Variants in RANBP17 observed in about 807,000 individuals in gnomAD.
RANBP17 encodes the protein RAN binding protein 17, also known as ran-binding protein 17.
Under a neutral mutation model 141.2 loss-of-function variants are expected in RANBP17, and 158 were observed. The ratio of observed to expected loss-of-function variants is 1.12; its 90% CI spans 0.98 to 1.28. RANBP17 has a LOEUF of 1.28. Among genes scored for constraint, RANBP17 ranks in the 50% most tolerant of loss-of-function variants. RANBP17 has a pLI of 0.00. For synonymous variants in RANBP17, 430 were observed against 450.0 expected, an observed-to-expected ratio of 0.96 and a Z score of 0.56; for missense variants, 1,438 against 1,290.7, an observed-to-expected ratio of 1.11 and a Z score of -1.75.
At chr5:170,996,266 G>A (rs1317713298) in intron 14 of RANBP17, among the ~76,000 whole-genome samples, 6 of 152,028 alleles carry the variant, frequency 3.9e-5, no homozygotes, top group African/African-American at 1.4e-4. Flanking sequence ...TAAAAAGCAA[G>A]GCAATGAATG....
At chr5:171,069,646 G>T (rs900606134) in intron 14 of RANBP17, among the ~76,000 whole-genome samples, 1 of 152,188 alleles carries the variant, frequency 6.6e-6, no homozygotes, top group Non-Finnish European at 1.5e-5. Flanking sequence ...TCAACACTGT[G>T]TTATAAAATA....
chr5:171,106,985 G>C (rs891470025), intron 14 of RANBP17, among the ~76,000 whole-genome samples: 8 of 152,082 alleles, frequency 5.3e-5, no homozygotes, highest in Non-Finnish European at 1.2e-4. Flanking sequence ...AAACCAATTA[G>C]GTCAAAATTT....
At chr5:171,171,329 TAGCA>T in intron 16 of RANBP17, 43 bp downstream of exon 16, 1 of 1,099,600 alleles carries the variant, frequency 9.1e-7, no homozygotes, top group Non-Finnish European at 1.3e-6. Flanking sequence ...GTAAACAACC[TAGCA>T]GATGCATTTA....
chr5:170,969,128 CCTT>C (rs1416792955), intron 14 of RANBP17, among the ~76,000 whole-genome samples: 1 of 151,442 alleles, frequency 6.6e-6, no homozygotes, highest in Non-Finnish European at 1.5e-5. Flanking sequence ...GGAAATGTAA[CCTT>C]CAGTTTACTT....
chr5:171,141,060 C>T (rs1044420711), intron 14 of RANBP17, among the ~76,000 whole-genome samples: 2 of 152,168 alleles, frequency 1.3e-5, no homozygotes, highest in African/African-American at 4.8e-5. Flanking sequence ...CTCATCTCTA[C>T]CTGATTCTTC....
chr5:171,099,235 C>A (rs550624906), intron 14 of RANBP17, among the ~76,000 whole-genome samples: 1 of 152,292 alleles, frequency 6.6e-6, no homozygotes, highest in African/African-American at 2.4e-5. Flanking sequence ...ATTGGTTCTT[C>A]CTATCCATGA....
chr5:170,909,486 C>T (rs1771344302), intron 5 of RANBP17, among the ~76,000 whole-genome samples, 175 bp from the exon 6 acceptor site: 1 of 149,220 alleles, frequency 6.7e-6, no homozygotes, highest in African/African-American at 2.5e-5. Context: ...GTGTGATGAA[C>T]TTTGGTTTTT....
intron 14 of RANBP17, among the ~76,000 whole-genome samples, chr5:171,122,153 A>G (rs1756086087): frequency 6.6e-6 from 1 of 152,206 alleles, no homozygotes; most frequent in African/African-American, 2.4e-5. Flanking sequence ...TGCGGAGGTC[A>G]CTGGTGCCTC....
chr5:171,161,339 G>C (rs79805219), intron 14 of RANBP17: 10,301 of 184,024 alleles, frequency 0.056, 351 homozygotes, highest in East Asian at 0.11. Context: ...TTTTATTTGA[G>C]ATTGGGGAGG....
intron 3 of RANBP17, among the ~76,000 whole-genome samples, chr5:170,883,003 G>A (rs556413752): frequency 6.6e-6 from 1 of 152,102 alleles, no homozygotes; most frequent in African/African-American, 2.4e-5. Flanking sequence ...AAAATGTATT[G>A]TATGTGATGG....
chr5:170,896,202 A>G (rs1770106593), intron 5 of RANBP17, 87 bp downstream of exon 5: 1 of 907,504 alleles, frequency 1.1e-6, no homozygotes, highest in Non-Finnish European at 1.7e-6. Context: ...CAAAATAGAC[A>G]GCCTTCATTT....
intron 14 of RANBP17, among the ~76,000 whole-genome samples, chr5:170,993,931 A>G (rs190977418): frequency 1.3e-5 from 2 of 152,220 alleles, no homozygotes; most frequent in African/African-American, 4.8e-5. Flanking sequence ...TGGAAAAGCC[A>G]GTCTATTGTA....
chr5:171,110,411 G>T (rs1166109015), intron 14 of RANBP17, among the ~76,000 whole-genome samples: 15 of 152,056 alleles, frequency 9.9e-5, no homozygotes, highest in Non-Finnish European at 2.2e-4. Context: ...GTAGCATAGT[G>T]CACAGCCTGT....
At chr5:171,074,483 G>A (rs1417848410) in intron 14 of RANBP17, among the ~76,000 whole-genome samples, 1 of 152,114 alleles carries the variant, frequency 6.6e-6, no homozygotes, top group African/African-American at 2.4e-5. Flanking sequence ...TAATATTATT[G>A]TACCAGTATT....
At chr5:170,896,894 G>A (rs532282492) in intron 5 of RANBP17, 16 of 589,006 alleles carry the variant, frequency 2.7e-5, no homozygotes, top group African/African-American at 2.5e-4. Context: ...AGGCCGGCGC[G>A]GCTCACAAGC....
intron 14 of RANBP17, among the ~76,000 whole-genome samples, chr5:171,075,449 A>G (rs779735417): frequency 6.6e-6 from 1 of 152,222 alleles, no homozygotes; most frequent in Non-Finnish European, 1.5e-5. Context: ...ACAATAACCC[A>G]TGTGTTATAT....
intron 14 of RANBP17, among the ~76,000 whole-genome samples, chr5:171,040,672 A>G (rs1351353431): frequency 1.3e-5 from 2 of 152,166 alleles, no homozygotes; most frequent in East Asian, 1.9e-4. Flanking sequence ...GGTCCCAAAC[A>G]TGGTAAAACT....
intron 14 of RANBP17, among the ~76,000 whole-genome samples, chr5:171,049,825 T>A (rs1782839123): frequency 6.6e-6 from 1 of 152,228 alleles, no homozygotes; most frequent in South Asian, 2.1e-4. Flanking sequence ...TCCATTGGTG[T>A]ATGTGTCTGT....
chr5:171,031,014 T>C (rs1269503756), intron 14 of RANBP17, among the ~76,000 whole-genome samples: 1 of 152,070 alleles, frequency 6.6e-6, no homozygotes, highest in African/African-American at 2.4e-5. Context: ...ATATGTGAAC[T>C]TTAAACATTT....
Sources: gnomAD v4.1 joint callset for allele counts (sites outside exome capture counted in the v4.1 genomes callset) on GRCh38, gnomAD v4.1.1 for gene constraint, MANE v1.5 for transcripts, NCBI Gene and HGNC (gene_info 2026-07-23, HGNC 2026-07-21) for gene names.